The following PTPRE variants were observed in gnomAD, a reference collection of about 807,000 sequenced individuals.
PTPRE encodes protein tyrosine phosphatase receptor type E.
A neutral mutation model predicts 102.0 loss-of-function variants in PTPRE; 51 were observed. The ratio of observed to expected loss-of-function variants is 0.50; its 90% CI spans 0.40 to 0.63. The LOEUF (loss-of-function observed/expected upper bound fraction) is 0.63, where lower values mean the gene tolerates loss of function less well. PTPRE is among the 30% of genes least tolerant of loss of function. The probability of loss-of-function intolerance (pLI) is 0.00; values close to 1 mark genes in which losing one functional copy is unlikely to be tolerated. For synonymous variants in PTPRE, 345 were observed against 348.2 expected, an observed-to-expected ratio of 0.99 and a Z score of 0.10; for missense variants, 752 against 915.1, an observed-to-expected ratio of 0.82 and a Z score of 2.30.
At position 128,047,462 on chromosome 10, in the gene PTPRE, T is replaced by G. The variant is rs1848188186; in HGVS notation, c.182T>G (p.Val61Gly). 6.2e-7 allele frequency: 1 copy of G among 1,613,306 alleles called. No individual in the cohort carries two copies. The highest frequency in any genetic ancestry group is 8.5e-7 in the Non-Finnish European group (1 of 1,180,014). ...CTGCCGCTGCTGCTCCTCCTCCTCG[T>G]GCTCCTTCTCGCCGCCTACTTCTTC... The part of the protein sequence containing the change: ...LLLPLLLLLL[V>G]LLLAAYFFRF... The change falls in exon 4 of 21, where the codon GTG becomes GGG. Residue 61 changes from valine to glycine, a missense_variant. Physicochemically the swap from Val to Gly is moderately radical, Grantham distance 109. This residue lies in a region of PTPRE where 116 missense variants were observed against 90.8 expected (regional missense o/e 1.28). Coordinates refer to ENST00000254667, the MANE Select transcript of PTPRE (RefSeq NM_006504.6).
chr10:128,030,056 C>T (rs952952905), intron 2 of PTPRE, among the ~76,000 whole-genome samples: 1 of 152,230 alleles, frequency 6.6e-6, no homozygotes, highest in African/African-American at 2.4e-5. Flanking sequence ...ATGCAGGCTC[C>T]GGAATTGCAG....
chr10:127,983,872 C>T lies in PTPRE; in HGVS notation c.-8+1576C>T, dbSNP rs1277447049. Reference sequence around the variant, plus strand: ...TGAGTGATCCTGTGACAGGTGCTTCCGGGGCTCCTCCACCTCCCGGCCTTG... The same window carrying T: ...TGAGTGATCCTGTGACAGGTGCTTCTGGGGCTCCTCCACCTCCCGGCCTTG... On this transcript the variant is annotated intron_variant, in intron 2 of 20. Transcript: ENST00000254667. Among the ~76,000 whole-genome samples the T allele has an allele frequency of 2.0e-5, 3 of 152,102 alleles. 1 individual carries two copies. Among genetic ancestry groups the T allele is most frequent in the Middle Eastern group, 6.3e-3 (2 of 316 alleles).
intron 1 of PTPRE, among the ~76,000 whole-genome samples, chr10:127,930,437 G>A (rs906183233): frequency 1.8e-4 from 28 of 152,224 alleles, no homozygotes; most frequent in African/African-American, 5.8e-4. Context: ...ATCCTTGTGT[G>A]TATCAATAGT....
At chr10:128,047,334 C>G (rs2135839234) in intron 3 of PTPRE, 56 bp from the exon 4 acceptor site, 5 of 1,583,058 alleles carry the variant, frequency 3.2e-6, no homozygotes, top group Non-Finnish European at 4.3e-6. Flanking sequence ...GAGGGAGACT[C>G]TTTTGCAAAC....
chr10:127,917,583 G>T (rs369960388), intron 1 of PTPRE, among the ~76,000 whole-genome samples: 23 of 152,224 alleles, frequency 1.5e-4, no homozygotes, highest in East Asian at 5.8e-4. Flanking sequence ...AAGGCAGGAG[G>T]ATCACTTGAG....
rs567073385 is a variant in PTPRE, at chr10:128,009,222, C to G, written c.-8+26926C>G. Among the ~76,000 whole-genome samples, 9 of 152,322 alleles carry G rather than the reference C, an allele frequency of 5.9e-5. 1 individual carries two copies. In the East Asian group the frequency reaches 1.5e-3, roughly 26 times the overall value. ...GTCCCCTTTAAATTTCCGTCTCCTG[C>G]TCAGGAATGTCAGTGCATAATAAGA... is the stretch of plus-strand genomic sequence containing the variant. On this transcript the variant is annotated intron_variant, in intron 2 of 20. Transcript: ENST00000254667.
At chr10:127,936,724 A>G (rs1012169474) in intron 1 of PTPRE, among the ~76,000 whole-genome samples, 1 of 152,118 alleles carries the variant, frequency 6.6e-6, no homozygotes, top group Non-Finnish European at 1.5e-5. Context: ...GGTGTCATGA[A>G]TTATTCTAAT....
intron 2 of PTPRE, among the ~76,000 whole-genome samples, chr10:128,017,916 C>T (rs529330637): frequency 2.6e-5 from 4 of 152,320 alleles, no homozygotes; most frequent in South Asian, 2.1e-4. Context: ...GAGCTCCACT[C>T]GGACTCCACT....
intron 1 of PTPRE, among the ~76,000 whole-genome samples, chr10:127,975,403 A>T (rs1419698990): frequency 6.6e-6 from 1 of 152,258 alleles, no homozygotes; most frequent in East Asian, 1.9e-4. Flanking sequence ...ATTTCATAAT[A>T]AAATGATCTT....
intron 1 of PTPRE, among the ~76,000 whole-genome samples, chr10:127,925,520 G>C (rs1846939016): frequency 6.6e-6 from 1 of 152,202 alleles, no homozygotes; most frequent in African/African-American, 2.4e-5. Flanking sequence ...AGAATCAATA[G>C]TGAAGCTGGA....
intron 1 of PTPRE, among the ~76,000 whole-genome samples, chr10:127,924,481 G>T (rs75296406): frequency 1.8e-4 from 28 of 151,996 alleles, no homozygotes; most frequent in Non-Finnish European, 3.2e-4. Flanking sequence ...CCTACACCTC[G>T]GCCTCCCAAA....
At chr10:127,914,998 A>G (rs1291511907) in intron 1 of PTPRE, among the ~76,000 whole-genome samples, 1 of 152,216 alleles carries the variant, frequency 6.6e-6, no homozygotes, top group Non-Finnish European at 1.5e-5. Flanking sequence ...ATCAGTATGA[A>G]TTAATAAAAA....
intron 1 of PTPRE, among the ~76,000 whole-genome samples, chr10:127,966,224 C>T (rs1329380780): frequency 1.3e-5 from 2 of 152,176 alleles, no homozygotes; most frequent in African/African-American, 2.4e-5. Context: ...GGACCCCCTA[C>T]CCCTGAGGCC....
At position 128,066,206 on chromosome 10, in the gene PTPRE, T is replaced by C; in HGVS notation, c.843+12T>C. The C allele has an allele frequency of 6.2e-7, 1 of 1,612,034 alleles. No individual in the cohort carries two copies. The highest frequency in any genetic ancestry group is 1.1e-5 in the South Asian group (1 of 91,034). On this transcript the variant is annotated intron_variant, in intron 11 of 20. Coordinates refer to ENST00000254667, the MANE Select transcript of PTPRE (RefSeq NM_006504.6). ...TCTGCATACAGCCAGTAAGCATCTCTAGTTGCTGCCCTTCCAGAAAGATCA... is the reference window on the plus strand; with the variant it reads ...TCTGCATACAGCCAGTAAGCATCTCCAGTTGCTGCCCTTCCAGAAAGATCA...
At chr10:128,015,387 G>A (rs2135644987) in intron 2 of PTPRE, among the ~76,000 whole-genome samples, 1 of 151,064 alleles carries the variant, frequency 6.6e-6, no homozygotes, top group South Asian at 2.1e-4. Flanking sequence ...TTTTTTTTGA[G>A]ATGGAGTCTC....
At chr10:128,017,750 C>T (rs144760990) in intron 2 of PTPRE, among the ~76,000 whole-genome samples, 8 of 152,208 alleles carry the variant, frequency 5.3e-5, no homozygotes, top group African/African-American at 9.6e-5. Flanking sequence ...CTCTGTGCAC[C>T]GAGGCTTTTG....
intron 2 of PTPRE, among the ~76,000 whole-genome samples, chr10:128,010,060 TTC>T (rs1404231180): frequency 3.0e-4 from 45 of 152,280 alleles, no homozygotes; most frequent in African/African-American, 9.4e-4. Context: ...CATTCATTCA[TTC>T]ATTCACTCAC....
chr10:127,979,172 G>T (rs1851417233), intron 1 of PTPRE, among the ~76,000 whole-genome samples: 1 of 152,150 alleles, frequency 6.6e-6, no homozygotes, highest in Non-Finnish European at 1.5e-5. Context: ...CCTTCCCCTT[G>T]CTGGAGGACA....
In PTPRE at chr10:127,944,490, GGATGGATGGA is replaced by G. The variant is rs1191503999; in HGVS notation, c.-31+37182_-31+37191del. On this transcript the variant is annotated intron_variant, in intron 1 of 20. Coordinates refer to ENST00000254667, the MANE Select transcript of PTPRE (RefSeq NM_006504.6). The surrounding 1 kb of genome is among the most constrained non-coding windows in gnomAD (Gnocchi z 4.2). ...CAGACGGATGGATGGATGGATGGAT[GGATGGATGGA>G]TGGATGGATGGATGGGTGGATGGAT... Among the ~76,000 whole-genome samples, 1,894 of 86,632 alleles carry G rather than the reference GGATGGATGGA, an allele frequency of 0.022. 41 individuals are homozygous for G. Among genetic ancestry groups the G allele is most frequent in the African/African-American group, 0.068 (1,770 of 26,042 alleles). 56.8% of individuals were successfully genotyped at this position (86,632 alleles called of 152,430 possible).
Sources: allele counts gnomAD v4.1 joint callset (sites outside exome capture counted in the v4.1 genomes callset), GRCh38; gene constraint gnomAD v4.1.1; regional missense constraint gnomAD v4.1.1; non-coding constraint Gnocchi (gnomAD v3.1); transcripts MANE v1.5; gene names NCBI Gene and HGNC (gene_info 2026-07-23, HGNC 2026-07-21).